E2F6: variants seen among roughly 807,000 people sequenced by gnomAD.
E2F6 encodes the protein E2F transcription factor 6, also known as transcription factor E2F6.
E2F6 carries 19 observed loss-of-function variants against 31.5 expected under a neutral mutation model. That is an observed-to-expected ratio of 0.60 (90% CI 0.42 to 0.89). The LOEUF is 0.89. Among genes scored for constraint, E2F6 ranks in the 40% least tolerant of loss-of-function variants. E2F6 has a pLI of 0.00. For missense variants in E2F6, 269 were observed against 341.6 expected (o/e 0.79, Z 1.67); for synonymous variants, 121 against 127.7 (o/e 0.95, Z 0.36).
intron 2 of E2F6, among the ~76,000 whole-genome samples, chr2:11,455,777 C>T (rs186024560): frequency 2.6e-5 from 4 of 152,242 alleles, no homozygotes; most frequent in Admixed American, 6.5e-5. Context: ...TAATAAGGAA[C>T]TCTATTATAT....
At position 11,458,185 on chromosome 2, in the gene E2F6, C is replaced by T. The variant is rs778358648; in HGVS notation, c.109-952G>A. On this transcript the variant is annotated intron_variant, in intron 1 of 6. Coordinates refer to ENST00000381525, the MANE Select transcript of E2F6 (RefSeq NM_198256.4). ...GGTTTAGCTCTTATCTAAGAAAAAA[C>T]TGGCCATAAAGCAAAACTGGGGCAA... The T allele has an allele frequency of 5.9e-6, 8 of 1,352,330 alleles. No individual in the cohort carries two copies. In the East Asian group the frequency reaches 7.5e-5, roughly 13 times the overall value. The allele number at this position is 1,352,330 out of a possible 1,614,324, so 83.8% of individuals were successfully genotyped here.
chr2:11,458,285 G>A (rs1044150933), intron 1 of E2F6: 28 of 1,551,682 alleles, frequency 1.8e-5, no homozygotes, highest in Non-Finnish European at 2.1e-5. Context: ...ACTCACAGAA[G>A]GATTCATGGC....
intron 1 of E2F6, chr2:11,458,400 A>T: frequency 6.5e-7 from 1 of 1,539,890 alleles, no homozygotes; most frequent in Non-Finnish European, 8.8e-7. Flanking sequence ...GGAAATGAAC[A>T]AAGGTGTGAA....
rs374798482 is a variant in E2F6, at chr2:11,453,681, G to A, written c.281C>T (p.Thr94Met). 139 of 1,614,076 alleles carry A rather than the reference G, an allele frequency of 8.6e-5. No homozygotes were observed. In the African/African-American group the frequency reaches 9.6e-4, roughly 11 times the overall value. Residue 94 changes from threonine (T) to methionine (M), a missense_variant, in exon 3 of 7, where the codon ACG becomes ATG. By Grantham distance (81) the Thr-to-Met change is moderately conservative (BLOSUM62 -1). Coordinates refer to ENST00000381525, the MANE Select transcript of E2F6 (RefSeq NM_198256.4). ...GGILDLNKVA[T>M]KLGVRKRRVY... is the part of the protein sequence containing the mutation. ...TCTCCGCTTTCGGACTCCCAGTTTC[G>A]TTGCAACCTTGTTTAAGTCAAGAAT...
At chr2:11,462,740 T>G (rs1031441792) in intron 1 of E2F6, among the ~76,000 whole-genome samples, 3 of 152,194 alleles carry the variant, frequency 2.0e-5, no homozygotes, top group Admixed American at 1.3e-4. Flanking sequence ...GCATGGGAAC[T>G]CTGGACAAAG....
At chr2:11,460,935 T>C (rs143358111) in intron 1 of E2F6, among the ~76,000 whole-genome samples, 7 of 151,774 alleles carry the variant, frequency 4.6e-5, no homozygotes, top group South Asian at 2.1e-4. Flanking sequence ...AGAAACCTAA[T>C]ACAGATTTGG....
intron 5 of E2F6, among the ~76,000 whole-genome samples, chr2:11,449,343 C>T (rs1172636492): frequency 6.6e-6 from 1 of 152,110 alleles, no homozygotes; most frequent in Non-Finnish European, 1.5e-5. Context: ...AGGCAAACCC[C>T]CAGGGCAATG....
rs763684448 is a variant in E2F6, at chr2:11,451,685, G to A, written c.502C>T (p.Leu168=). ...TCTTTGTCATCTGTTAACTCAAACAGCTGCTGAGCACAATCCTTAATTAAC... is the reference window on the plus strand; with the variant it reads ...TCTTTGTCATCTGTTAACTCAAACAACTGCTGAGCACAATCCTTAATTAAC... ...DELIKDCAQQ[L]FELTDDKENE... The change falls in exon 4 of 7, where the codon CTG becomes TTG. Residue 168 remains leucine (L), a synonymous_variant. Coordinates refer to ENST00000381525, the MANE Select transcript of E2F6 (RefSeq NM_198256.4). 1.9e-6 allele frequency: 3 copies of A among 1,611,240 alleles called. No individual in the cohort carries two copies. The Admixed American group carries it at 5.0e-5, about 27-fold the overall frequency.
At chr2:11,449,953 G>T in intron 5 of E2F6, 59 bp downstream of exon 5, 2 of 1,343,296 alleles carry the variant, frequency 1.5e-6, no homozygotes, top group Non-Finnish European at 2.1e-6. Context: ...ATAAATCACA[G>T]CCTAAGCAGT....
At chr2:11,451,538 A>G (rs1215751364) in intron 4 of E2F6, 113 bp downstream of exon 4, 11 of 1,118,306 alleles carry the variant, frequency 9.8e-6, no homozygotes, top group African/African-American at 8.2e-5. Context: ...TTAACTTTCA[A>G]TGGTCTAATT....
At chr2:11,464,406 A>G (rs1442653532) in intron 1 of E2F6, among the ~76,000 whole-genome samples, 2 of 151,232 alleles carry the variant, frequency 1.3e-5, no homozygotes, top group African/African-American at 4.9e-5. Context: ...AGTCCCAGCT[A>G]CTCAGGAGGC....
In E2F6 at chr2:11,445,821, T is replaced by C. The variant is rs1210352789; in HGVS notation, c.*656A>G. On this transcript the variant is annotated 3_prime_UTR_variant, in exon 7 of 7. Transcript: ENST00000381525. ...CTTTAATTAAATCCACAAACATAAA[T>C]GTGTAGCACATTTATGATACTTCTA... 6.6e-6 allele frequency: 1 copy of C among 151,042 alleles called. No homozygotes were observed. The highest frequency in any genetic ancestry group is 6.6e-5 in the Admixed American group (1 of 15,122). 9.4% of individuals were successfully genotyped at this position (151,042 alleles called of 1,614,324 possible). A position where few individuals can be genotyped will look rare whatever the true frequency, so the allele number is the denominator to read the frequency against.
chr2:11,459,642 G>A (rs1671640509), intron 1 of E2F6, among the ~76,000 whole-genome samples: 2 of 152,158 alleles, frequency 1.3e-5, no homozygotes, highest in Non-Finnish European at 2.9e-5. Context: ...GACTTTGGGA[G>A]GCGGGGTGGG....
At chr2:11,460,215 C>T (rs1434492173) in intron 1 of E2F6, among the ~76,000 whole-genome samples, 2 of 152,220 alleles carry the variant, frequency 1.3e-5, no homozygotes, top group African/African-American at 4.8e-5. Context: ...AAACCTTTCT[C>T]TATACAGATG....
intron 1 of E2F6, among the ~76,000 whole-genome samples, chr2:11,462,613 T>G (rs1671856640): frequency 6.6e-6 from 1 of 152,192 alleles, no homozygotes; most frequent in African/African-American, 2.4e-5. Context: ...GAAGCACTAC[T>G]TTTGTGCTTT....
rs1340535175 is a variant in E2F6, at chr2:11,445,329, G to A, written c.*1148C>T. The A allele has an allele frequency of 2.6e-5, 4 of 152,514 alleles. No individual in the cohort carries two copies. Among genetic ancestry groups the A allele is most frequent in the Non-Finnish European group, 5.9e-5 (4 of 68,024 alleles). The allele number at this position is 152,514 out of a possible 1,614,324, so 9.4% of individuals were successfully genotyped here. On this transcript the variant is annotated 3_prime_UTR_variant, in exon 7 of 7. Transcript: ENST00000381525. ...AGACATTTATTGAGCACTTCTTAAGGGCCAGGCATGGTGTGAGGCACTGGG... is the reference window on the plus strand; with the variant it reads ...AGACATTTATTGAGCACTTCTTAAGAGCCAGGCATGGTGTGAGGCACTGGG...
At chr2:11,447,231 G>T (rs376490059) in intron 6 of E2F6, among the ~76,000 whole-genome samples, 104 of 152,298 alleles carry the variant, frequency 6.8e-4, no homozygotes, top group African/African-American at 2.2e-3. Flanking sequence ...GCTGTTGGCT[G>T]AGTTGAGTGG....
chr2:11,447,496 AG>A lies in E2F6; in HGVS notation c.799+130del, dbSNP rs1181656454. 4.3e-6 allele frequency: 4 copies of A among 938,616 alleles called. No individual in the cohort carries two copies. The African/African-American group carries it at 6.6e-5, about 16-fold the overall frequency. The allele number at this position is 938,616 out of a possible 1,614,324, so 58.1% of individuals were successfully genotyped here. A position where few individuals can be genotyped will look rare whatever the true frequency, so the allele number is the denominator to read the frequency against. On this transcript the variant is annotated intron_variant, in intron 6 of 6. Transcript: ENST00000381525. ...CACAGAAATATTCTAAACTACAGTA[AG>A]AGTTATGCTGTAATTTTTTACTCAT...
intron 3 of E2F6, 47 bp from the exon 4 acceptor site, chr2:11,451,853 C>G (rs766216159): frequency 6.4e-7 from 1 of 1,551,822 alleles, no homozygotes; most frequent in East Asian, 2.3e-5. Flanking sequence ...TAGGAGATAA[C>G]AAAGTAATTT....
Sources: gnomAD v4.1 joint callset for allele counts (sites outside exome capture counted in the v4.1 genomes callset) on GRCh38, gnomAD v4.1.1 for gene constraint, MANE v1.5 for transcripts, NCBI Gene and HGNC (gene_info 2026-07-23, HGNC 2026-07-21) for gene names.